The following SRA1 variants were observed in gnomAD, a reference collection of about 807,000 sequenced individuals.
SRA1 encodes the protein lncRNA SRA.
A neutral mutation model predicts 24.3 loss-of-function variants in SRA1; 25 were observed. The ratio of observed to expected loss-of-function variants is 1.03; its 90% CI spans 0.75 to 1.43. The LOEUF is 1.43. Ranked by LOEUF, SRA1 falls within the 40% of genes most tolerant of loss-of-function variation. SRA1 has a pLI of 0.00. For synonymous variants in SRA1, 104 were observed against 109.5 expected (o/e 0.95, Z 0.31); for missense variants, 303 against 286.6 (o/e 1.06, Z -0.41).
At chr5:140,551,248 G>A in intron 3 of SRA1, 79 bp from the exon 4 acceptor site, 2 of 1,076,036 alleles carry the variant, frequency 1.9e-6, no homozygotes, top group Non-Finnish European at 2.8e-6. Context: ...CACCACATAG[G>A]AAGCACCTGC....
At position 140,550,618 on chromosome 5, in the gene SRA1, G is replaced by C. The variant is rs1263274578; in HGVS notation, c.*82C>G. 1 of 1,380,856 alleles carries C rather than the reference G, an allele frequency of 7.2e-7. No individual in the cohort carries two copies. 85.5% of individuals were successfully genotyped at this position (1,380,856 alleles called of 1,614,324 possible). On this transcript the variant is annotated 3_prime_UTR_variant, in exon 5 of 5. Transcript: ENST00000336283. Reference sequence around the variant, plus strand: ...GGGTCAGGCCCAGTGGGACAGTCTTGGTGGTGGTAAGAAGGGAGCCAAGTG... The same window carrying C: ...GGGTCAGGCCCAGTGGGACAGTCTTCGTGGTGGTAAGAAGGGAGCCAAGTG...
In SRA1 at chr5:140,552,191, AGGT is replaced by A. The variant is rs386692873; in HGVS notation, c.152-10_152-8del. On this transcript the variant is annotated splice_region_variant and splice_polypyrimidine_tract_variant and intron_variant, in intron 2 of 4. Transcript: ENST00000336283. ...GAAGTCTCTGATGCGGGGACTGAAAAGGTACAGCAGGATCAAGCAACATGGCTT... is the reference window on the plus strand; with the variant it reads ...GAAGTCTCTGATGCGGGGACTGAAAAACAGCAGGATCAAGCAACATGGCTT... 2.5e-6 allele frequency: 4 copies of A among 1,573,434 alleles called. No individual in the cohort carries two copies. The highest frequency in any genetic ancestry group is 2.3e-5 in the South Asian group (2 of 85,742).
intron 3 of SRA1, 106 bp downstream of exon 3, chr5:140,551,876 G>T: frequency 1.0e-6 from 1 of 998,404 alleles, no homozygotes; most frequent in Admixed American, 2.4e-5. Context: ...AACTCTCAAA[G>T]GATTAAGAAC....
upstream of SRA1, chr5:140,557,528 C>T: frequency 2.7e-6 from 4 of 1,498,238 alleles, no homozygotes; most frequent in Non-Finnish European, 3.6e-6. Context: ...TGAGACACGT[C>T]CAGGGCCAGG....
chr5:140,553,087 A>G (rs542021092), intron 2 of SRA1, among the ~76,000 whole-genome samples: 1 of 152,384 alleles, frequency 6.6e-6, no homozygotes, highest in South Asian at 2.1e-4. Context: ...TGTGACTTTC[A>G]GCAAGTTACT....
rs113558938 is a variant in SRA1 at position 140,556,908 on chromosome 5, T to C, written c.151+239A>G. Among the ~76,000 whole-genome samples, 1,180 of 152,192 alleles carry C rather than the reference T, an allele frequency of 7.8e-3. 10 individuals carry two copies. Among genetic ancestry groups the C allele is most frequent in the African/African-American group, 0.027 (1,120 of 41,520 alleles). On this transcript the variant is annotated intron_variant, in intron 2 of 4. Coordinates refer to ENST00000336283, the MANE Select transcript of SRA1 (RefSeq NM_001035235.4). Reference sequence around the variant, plus strand: ...TTAAAACTATATTAAAAGCCACAGGTCTGGATAAGATCATCTAGGATGAAA... The same window carrying C: ...TTAAAACTATATTAAAAGCCACAGGCCTGGATAAGATCATCTAGGATGAAA...
At position 140,557,463 on chromosome 5, in the gene SRA1, G is replaced by A. The variant is rs560478349; in HGVS notation, c.-11C>T. On this transcript the variant is annotated 5_prime_UTR_variant, in exon 1 of 5. Coordinates refer to ENST00000336283, the MANE Select transcript of SRA1 (RefSeq NM_001035235.4). ...GTACAGCTCCGCCATCTCCACTTCC[G>A]CTTGGCCAGCGGGGCAGCGCGTCAT... 3 of 1,555,304 alleles carry A rather than the reference G, an allele frequency of 1.9e-6. No homozygotes were observed. The highest frequency in any genetic ancestry group is 1.4e-5 in the African/African-American group (1 of 73,460).
In SRA1 at chr5:140,557,270, T is replaced by C. The variant is rs760877862; in HGVS notation, c.28A>G (p.Asn10Asp). 21 of 1,611,352 alleles carry C rather than the reference T, an allele frequency of 1.3e-5. No individual in the cohort carries two copies. Among genetic ancestry groups the C allele is most frequent in the Non-Finnish European group, 1.7e-5 (20 of 1,179,944 alleles). Residue 10 changes from asparagine (N) to aspartate (D), a missense_variant and splice_region_variant, in exon 2 of 5, where the codon AAC (asparagine) becomes GAC (aspartate). Asn to Asp is a conservative substitution (Grantham distance 23). Coordinates refer to ENST00000336283, the MANE Select transcript of SRA1 (RefSeq NM_001035235.4). ...GGGTCGTTCCAGCCGCGTTCCTTGT[T>C]GCCTGCGGAGGCGAGGGATGTGTGA... is the stretch of plus-strand genomic sequence containing the variant. MAELYVKPG[N>D]KERGWNDPPQ...
chr5:140,555,389 G>C (rs907558869), intron 2 of SRA1, among the ~76,000 whole-genome samples: 1 of 151,706 alleles, frequency 6.6e-6, no homozygotes, highest in Non-Finnish European at 1.5e-5. Context: ...TGGTATTACA[G>C]GCCCAGCTAA....
chr5:140,551,377 T>C (rs896836311), intron 3 of SRA1: 13 of 536,318 alleles, frequency 2.4e-5, no homozygotes, highest in East Asian at 5.9e-5. Context: ...TGATGTTTCA[T>C]TGAAAAGTAG....
rs1355418041 is a variant in SRA1 at position 140,552,012 on chromosome 5, C to T, written c.324G>A (p.Gln108=). 8.7e-6 allele frequency: 14 copies of T among 1,612,368 alleles called. No individual in the cohort carries two copies. The highest frequency in any genetic ancestry group is 1.2e-5 in the Non-Finnish European group (14 of 1,179,414). The change falls in exon 3 of 5, where the codon CAG becomes CAA. Residue 108 remains glutamine (Q), a synonymous_variant. Transcript: ENST00000336283. ...TGTGGCCACGGCAGTCTTCCAATGC[C>T]TGTTCCAAAGGTCTCAGCACATCCT... is the stretch of plus-strand genomic sequence containing the variant. The part of the protein sequence containing the change: ...VMEDVLRPLE[Q]ALEDCRGHTR...
At position 140,550,515 on chromosome 5, in the gene SRA1, G is replaced by A; in HGVS notation, c.*185C>T. The A allele has an allele frequency of 1.6e-6, 1 of 630,926 alleles. No individual in the cohort carries two copies. The highest frequency in any genetic ancestry group is 2.8e-6 in the Non-Finnish European group (1 of 353,542). 39.1% of individuals were successfully genotyped at this position (630,926 alleles called of 1,614,324 possible). On this transcript the variant is annotated 3_prime_UTR_variant, in exon 5 of 5. Coordinates refer to ENST00000336283, the MANE Select transcript of SRA1 (RefSeq NM_001035235.4). ...TCTCCTACCCAAGGCCCACCGCAGA[G>A]ATGTTTTTATTGAAATGCATGTTAT... is the stretch of plus-strand genomic sequence containing the variant.
At chr5:140,553,295 C>A (rs1200146177) in intron 2 of SRA1, among the ~76,000 whole-genome samples, 2 of 147,234 alleles carry the variant, frequency 1.4e-5, no homozygotes, top group Non-Finnish European at 3.0e-5. Context: ...GAGCAGCATA[C>A]TAAGACCCTC....
rs1354624076 is a variant in SRA1 at position 140,557,411 on chromosome 5, C to A, written c.25+17G>T. 6.3e-7 allele frequency: 1 copy of A among 1,582,884 alleles called. No individual in the cohort carries two copies. Among genetic ancestry groups the A allele is most frequent in the Non-Finnish European group, 8.6e-7 (1 of 1,166,776 alleles). On this transcript the variant is annotated intron_variant, in intron 1 of 4. Transcript: ENST00000336283. ...CGGGGCGACAACCTAGTGCCCTAGC[C>A]CGCCGGCTGCGCTCACCCGGCTTCA...
At position 140,550,925 on chromosome 5, in the gene SRA1, G is replaced by A. The variant is rs1754536741; in HGVS notation, c.464-14C>T. ...GGCTTGAAAGCTCTGAAGAGAGACG[G>A]GGGTTGAGCAAGCAGCCTGTGGTAC... On this transcript the variant is annotated splice_polypyrimidine_tract_variant and intron_variant, in intron 4 of 4. Coordinates refer to ENST00000336283, the MANE Select transcript of SRA1 (RefSeq NM_001035235.4). The A allele has an allele frequency of 1.2e-6, 2 of 1,612,984 alleles. No individual in the cohort carries two copies. The highest frequency in any genetic ancestry group is 1.7e-6 in the Non-Finnish European group (2 of 1,179,184).
rs201688784 is a variant in SRA1 at position 140,557,106 on chromosome 5, C to G, written c.151+41G>C. ...GGCTTATGCCTTACACCCCCCCCCCCCCATTCTCCGTCTGTCTCCGAGCAC... is the reference window on the plus strand; with the variant it reads ...GGCTTATGCCTTACACCCCCCCCCCGCCATTCTCCGTCTGTCTCCGAGCAC... On this transcript the variant is annotated intron_variant, in intron 2 of 4. Coordinates refer to ENST00000336283, the MANE Select transcript of SRA1 (RefSeq NM_001035235.4). 4.6e-3 allele frequency: 5,591 copies of G among 1,222,966 alleles called. 269 individuals are homozygous for G. In the African/African-American group the frequency reaches 0.068, roughly 15 times the overall value. 75.8% of individuals were successfully genotyped at this position (1,222,966 alleles called of 1,614,324 possible).
At chr5:140,557,563 T>G (rs36122605), upstream of SRA1, 1,104 of 1,275,404 alleles carry the variant, frequency 8.7e-4, 16 homozygotes, top group East Asian at 0.024. Flanking sequence ...CCGTGGAGGA[T>G]GGATGCTGGT....
In SRA1 at chr5:140,551,194, A is replaced by G. The variant is rs753284692; in HGVS notation, c.355-25T>C. 9.5e-6 allele frequency: 15 copies of G among 1,586,736 alleles called. No homozygotes were observed. The Admixed American group carries it at 2.5e-4, about 26-fold the overall frequency. On this transcript the variant is annotated intron_variant, in intron 3 of 4. Coordinates refer to ENST00000336283, the MANE Select transcript of SRA1 (RefSeq NM_001035235.4). ...TCTAAGAGACAGAAGCCCCCCTCCA[A>G]TTCAGTGCTGCCAGCCCAATGAGGG...
chr5:140,552,232 A>T (rs1362831515), intron 2 of SRA1, 48 bp from the exon 3 acceptor site: 2 of 1,380,038 alleles, frequency 1.4e-6, no homozygotes, highest in South Asian at 1.4e-5. Flanking sequence ...ATGGGTAAGA[A>T]GCTTAACTCT....
Sources: gnomAD v4.1 joint callset for allele counts (sites outside exome capture counted in the v4.1 genomes callset) on GRCh38, gnomAD v4.1.1 for gene constraint, MANE v1.5 for transcripts, NCBI Gene and HGNC (gene_info 2026-07-23, HGNC 2026-07-21) for gene names.